MAPK4: variants seen among roughly 807,000 people sequenced by gnomAD.
MAPK4 encodes Erk3-related.
MAPK4 carries 22 observed loss-of-function variants against 47.7 expected under a neutral mutation model. The ratio of observed to expected loss-of-function variants is 0.46; its 90% CI spans 0.33 to 0.66. The LOEUF (loss-of-function observed/expected upper bound fraction) is 0.66, where lower values mean the gene tolerates loss of function less well. Among genes scored for constraint, MAPK4 ranks in the 30% least tolerant of loss-of-function variants. MAPK4 has a pLI of 0.02. For synonymous variants in MAPK4, 390 were observed against 365.7 expected (o/e 1.07, Z -0.76); for missense variants, 736 against 831.7 (o/e 0.88, Z 1.42).
chr18:50,693,235 G>C (rs1909328788), intron 2 of MAPK4, among the ~76,000 whole-genome samples: 1 of 152,120 alleles, frequency 6.6e-6, no homozygotes, highest in Admixed American at 6.5e-5. Flanking sequence ...CTCCAGCCTA[G>C]GCAACAGAGA....
intron 2 of MAPK4, among the ~76,000 whole-genome samples, chr18:50,697,303 T>A (rs1336637721): frequency 6.6e-6 from 1 of 152,224 alleles, no homozygotes; most frequent in Non-Finnish European, 1.5e-5. Context: ...ACAGCAAACC[T>A]ACCGGCGTAG....
At chr18:50,714,979 T>C in intron 2 of MAPK4, 100 bp from the exon 3 acceptor site, 4 of 1,207,904 alleles carry the variant, frequency 3.3e-6, no homozygotes, top group Admixed American at 4.2e-5. Flanking sequence ...AAAGGGACCC[T>C]GAAAGAGGTC....
intron 2 of MAPK4, among the ~76,000 whole-genome samples, chr18:50,694,320 T>C (rs1418324427): frequency 6.6e-6 from 1 of 152,166 alleles, no homozygotes; most frequent in Non-Finnish European, 1.5e-5. Flanking sequence ...CCAGGGCCAT[T>C]ACTGCCCTTC....
intron 2 of MAPK4, among the ~76,000 whole-genome samples, chr18:50,699,604 T>G (rs1909678189): frequency 6.6e-6 from 1 of 152,210 alleles, no homozygotes; most frequent in African/African-American, 2.4e-5. Context: ...TGGCAATTTG[T>G]CAATTAAGTT....
At chr18:50,621,825 C>T (rs2053248) in intron 1 of MAPK4, among the ~76,000 whole-genome samples, 53,671 of 152,158 alleles carry the variant, frequency 0.35, 9,695 homozygotes, top group Middle Eastern at 0.39. Flanking sequence ...TATCCAAGTA[C>T]CTGCGATACT....
At chr18:50,634,364 C>G (rs2074488050) in intron 1 of MAPK4, among the ~76,000 whole-genome samples, 2 of 147,232 alleles carry the variant, frequency 1.4e-5, no homozygotes, top group African/African-American at 2.5e-5. Context: ...TGCTCTCAGA[C>G]TGGGTTCAAG....
chr18:50,672,750 T>C (rs1047062423), intron 2 of MAPK4, among the ~76,000 whole-genome samples: 16 of 152,192 alleles, frequency 1.1e-4, no homozygotes, highest in African/African-American at 3.9e-4. Context: ...CCTAGAGGCG[T>C]CCTGCTTGCC....
chr18:50,611,331 G>C (rs1369530918), intron 1 of MAPK4, among the ~76,000 whole-genome samples: 1 of 152,152 alleles, frequency 6.6e-6, no homozygotes, highest in Non-Finnish European at 1.5e-5. Context: ...CCAGTGTTGT[G>C]CCTTCCTTGG....
At chr18:50,594,739 T>C (rs1330389674) in intron 1 of MAPK4, among the ~76,000 whole-genome samples, 1 of 152,134 alleles carries the variant, frequency 6.6e-6, no homozygotes, top group Admixed American at 6.5e-5. Flanking sequence ...TTAGAATTTA[T>C]CAAAACCAAA....
chr18:50,729,497 G>A lies in MAPK4; in HGVS notation c.1407G>A (p.Ala469=), dbSNP rs1281689400. 7 of 1,454,994 alleles carry A rather than the reference G, an allele frequency of 4.8e-6. No individual in the cohort carries two copies. Among genetic ancestry groups the A allele is most frequent in the Non-Finnish European group, 5.5e-6 (6 of 1,100,680 alleles). The allele number at this position is 1,454,994 out of a possible 1,614,324, so 90.1% of individuals were successfully genotyped here. The change falls in exon 6 of 6, where the codon GCG becomes GCA. Residue 469 remains alanine (A), a synonymous_variant. Coordinates refer to ENST00000400384, the MANE Select transcript of MAPK4 (RefSeq NM_002747.4). ...CGCACTGGAAGCAGGCGGCCGGCGC[G>A]CCCCCCACGGCCACGGGGCTGGCGG... ...DLSHWKQAAG[A]PPTATGLADT...
chr18:50,722,393 A>AT (rs1910982503), intron 4 of MAPK4, among the ~76,000 whole-genome samples: 2 of 151,756 alleles, frequency 1.3e-5, no homozygotes, highest in Non-Finnish European at 2.9e-5. Flanking sequence ...CCTCCCTCAC[A>AT]TTTTTGTCCT....
rs77566303 is a variant in MAPK4 at position 50,609,607 on chromosome 18, C to T, written c.-871+49364C>T. ...GATCATGAGGATGTCAGGTACTGTT[C>T]TTCTACATGCTAGGTACTATTCTAA... On this transcript the variant is annotated intron_variant, in intron 1 of 5. Coordinates refer to ENST00000400384, the MANE Select transcript of MAPK4 (RefSeq NM_002747.4). Among the ~76,000 whole-genome samples the T allele has an allele frequency of 2.9e-3, 437 of 152,222 alleles. 3 individuals are homozygous for T. The highest frequency in any genetic ancestry group is 0.01 in the African/African-American group (422 of 41,544).
At chr18:50,725,597 C>G (rs1281783569) in intron 4 of MAPK4, among the ~76,000 whole-genome samples, 1 of 152,202 alleles carries the variant, frequency 6.6e-6, no homozygotes, top group Non-Finnish European at 1.5e-5. Context: ...ATGAGTGTGC[C>G]TTGTTCTGGT....
At chr18:50,666,126 G>C (rs1283817981) in intron 2 of MAPK4, among the ~76,000 whole-genome samples, 1 of 152,196 alleles carries the variant, frequency 6.6e-6, no homozygotes, top group African/African-American at 2.4e-5. Flanking sequence ...CTGATTAAGT[G>C]AGCTGCAACA....
chr18:50,717,313 G>T (rs1910692202), intron 3 of MAPK4, among the ~76,000 whole-genome samples: 1 of 152,158 alleles, frequency 6.6e-6, no homozygotes. Context: ...CACGAAAGCT[G>T]GAAGGCCTGA....
chr18:50,632,537 C>T (rs947630158), intron 1 of MAPK4, among the ~76,000 whole-genome samples: 6 of 151,492 alleles, frequency 4.0e-5, no homozygotes, highest in Non-Finnish European at 5.9e-5. Context: ...TTCTGTGTCT[C>T]GTTATGGAAT....
At chr18:50,599,862 A>G (rs2042519764) in intron 1 of MAPK4, among the ~76,000 whole-genome samples, 2 of 152,238 alleles carry the variant, frequency 1.3e-5, no homozygotes, top group South Asian at 4.1e-4. Flanking sequence ...TATCTAAGTC[A>G]TTTATAGAGA....
chr18:50,605,020 A>AC (rs2042570560), intron 1 of MAPK4, among the ~76,000 whole-genome samples: 1 of 152,212 alleles, frequency 6.6e-6, no homozygotes, highest in African/African-American at 2.4e-5. Context: ...TTACAGCCTG[A>AC]CATTACTGCC....
chr18:50,717,612 G>C (rs975341661), intron 3 of MAPK4, among the ~76,000 whole-genome samples: 1 of 151,840 alleles, frequency 6.6e-6, no homozygotes, highest in African/African-American at 2.4e-5. Flanking sequence ...GGCCCTTCTA[G>C]TATCCCCTAA....
Sources: gnomAD v4.1 joint callset for allele counts (sites outside exome capture counted in the v4.1 genomes callset) on GRCh38, gnomAD v4.1.1 for gene constraint, MANE v1.5 for transcripts, NCBI Gene and HGNC (gene_info 2026-07-23, HGNC 2026-07-21) for gene names.